TMF1: variants seen among roughly 807,000 people sequenced by gnomAD.
TMF1 encodes the protein TATA element modulatory factor 1.
In TMF1, 71 loss-of-function variants were observed where a neutral mutation model predicts 126.5. The observed-to-expected ratio is 0.56, with a 90% CI of 0.46 to 0.68. The LOEUF is 0.68. TMF1 is among the 30% of genes least tolerant of loss of function. TMF1 has a pLI of 0.00. For missense variants in TMF1, 1,259 were observed against 1,253.2 expected (o/e 1.00, Z -0.07); for synonymous variants, 461 against 430.5 (o/e 1.07, Z -0.88).
Position 69,024,155 on chromosome 3 carries a change from G to GT in TMF1, c.3037dup (p.Thr1013AsnfsTer7). Reference sequence around the variant, plus strand: ...TAGTTCTTCAGCCATTATTGATCGAGTTTTTTCTAGATTGCCAATTTCTAG... The same window carrying GT: ...TAGTTCTTCAGCCATTATTGATCGAGTTTTTTTCTAGATTGCCAATTTCTAG... On this transcript the variant is annotated frameshift_variant, in exon 16 of 17. Coordinates refer to ENST00000398559, the MANE Select transcript of TMF1 (RefSeq NM_007114.3). LOFTEE classifies it high-confidence loss of function. 1 of 1,604,866 alleles carries GT rather than the reference G, an allele frequency of 6.2e-7. No individual in the cohort carries two copies. The highest frequency in any genetic ancestry group is 8.5e-7 in the Non-Finnish European group (1 of 1,176,722).
At chr3:69,030,887 C>T (rs2091797535) in intron 10 of TMF1, among the ~76,000 whole-genome samples, 1 of 152,166 alleles carries the variant, frequency 6.6e-6, no homozygotes, top group South Asian at 2.1e-4. Context: ...CTGGCAATTG[C>T]ACACTTGGGC....
intron 1 of TMF1, among the ~76,000 whole-genome samples, chr3:69,049,963 T>A (rs1176374270): frequency 1.3e-5 from 2 of 152,134 alleles, no homozygotes; most frequent in Non-Finnish European, 2.9e-5. Context: ...GAATCTATCC[T>A]TTAATATGAC....
At chr3:69,034,463 ACT>A (rs1478949028) in intron 9 of TMF1, among the ~76,000 whole-genome samples, 3 of 152,092 alleles carry the variant, frequency 2.0e-5, no homozygotes, top group Non-Finnish European at 2.9e-5. Flanking sequence ...ACAGAGCAAG[ACT>A]CTGTCTCAAA....
intron 8 of TMF1, among the ~76,000 whole-genome samples, chr3:69,038,262 T>C (rs1471702129): frequency 1.3e-5 from 2 of 152,150 alleles, no homozygotes; most frequent in African/African-American, 2.4e-5. Context: ...TTAAATGGAT[T>C]CTCTCAAAAT....
At position 69,038,736 on chromosome 3, in the gene TMF1, T is replaced by C. The variant is rs370563862; in HGVS notation, c.1995-16A>G. 2.5e-6 allele frequency: 4 copies of C among 1,602,782 alleles called. No individual in the cohort carries two copies. The highest frequency in any genetic ancestry group is 3.4e-6 in the Non-Finnish European group (4 of 1,175,124). ...AGTAAGTTCTCTTAAAAAATTAGAT[T>C]GAGTTTATAAATGTTGCCAGTGATC... is the stretch of plus-strand genomic sequence containing the variant. On this transcript the variant is annotated splice_polypyrimidine_tract_variant and intron_variant, in intron 7 of 16. Transcript: ENST00000398559.
At position 69,029,986 on chromosome 3, in the gene TMF1, G is replaced by A; in HGVS notation, c.2423C>T (p.Ala808Val). 3 of 1,613,610 alleles carry A rather than the reference G, an allele frequency of 1.9e-6. No individual in the cohort carries two copies. Among genetic ancestry groups the A allele is most frequent in the Non-Finnish European group, 2.5e-6 (3 of 1,179,760 alleles). The change falls in exon 11 of 17, where the codon GCA becomes GTA. Residue 808 changes from alanine to valine, a missense_variant. Physicochemically the swap from Ala to Val is moderately conservative, Grantham distance 64. Transcript: ENST00000398559. Reference sequence around the variant, plus strand: ...TGCACGTTCTCTCTCAACTGCTGCTGCCAGCAAGGTCTGGGATTCACCTGA... The same window carrying A: ...TGCACGTTCTCTCTCAACTGCTGCTACCAGCAAGGTCTGGGATTCACCTGA... ...DRLGESQTLL[A>V]AAVERERAAT...
rs370861218 is a variant in TMF1 at position 69,029,828 on chromosome 3, C to T, written c.2581G>A (p.Asp861Asn). 38 of 1,610,536 alleles carry T rather than the reference C, an allele frequency of 2.4e-5. No individual in the cohort carries two copies. Among genetic ancestry groups the T allele is most frequent in the Middle Eastern group, 1.7e-4 (1 of 6,058 alleles). ...AACCATGCTCACCTATTGTTCTCATCCTCCAGTTTACACAGCCTATTTTTC... is the reference window on the plus strand; with the variant it reads ...AACCATGCTCACCTATTGTTCTCATTCTCCAGTTTACACAGCCTATTTTTC... ...SEKNRLCKLEDENNRYQVELE... is the reference protein window; with the variant it reads ...SEKNRLCKLENENNRYQVELE... Residue 861 changes from aspartate (D) to asparagine (N), a missense_variant, in exon 11 of 17, where the codon GAT becomes AAT. Coordinates refer to ENST00000398559, the MANE Select transcript of TMF1 (RefSeq NM_007114.3).
chr3:69,023,226 T>A lies in TMF1; in HGVS notation c.3233A>T (p.Asn1078Ile). ...TTCATCTATTTGAGTTTTGTACATA[T>A]TTTTTACATCTTCGAGATCTAATCG... ...ELRLDLEDVK[N>I]MYKTQIDELL... The change falls in exon 17 of 17, where the codon AAT (asparagine) becomes ATT (isoleucine). Residue 1078 changes from asparagine (N) to isoleucine (I), a missense_variant. Transcript: ENST00000398559. 1 of 1,611,176 alleles carries A rather than the reference T, an allele frequency of 6.2e-7. No individual in the cohort carries two copies. The highest frequency in any genetic ancestry group is 8.5e-7 in the Non-Finnish European group (1 of 1,178,138).
intron 5 of TMF1, among the ~76,000 whole-genome samples, chr3:69,041,627 T>C (rs1324420877): frequency 2.6e-5 from 4 of 152,140 alleles, no homozygotes; most frequent in Admixed American, 2.6e-4. Context: ...TAATGGACTT[T>C]AATACAGCCA....
chr3:69,048,052 A>G lies in TMF1; in HGVS notation c.653T>C (p.Leu218Pro). The G allele has an allele frequency of 2.5e-6, 4 of 1,614,102 alleles. No individual in the cohort carries two copies. Among genetic ancestry groups the G allele is most frequent in the Non-Finnish European group, 3.4e-6 (4 of 1,180,042 alleles). The change falls in exon 2 of 17, where the codon CTC (leucine) becomes CCC (proline). Residue 218 changes from leucine to proline, a missense_variant. By Grantham distance (98) the Leu-to-Pro change is moderately conservative. Coordinates refer to ENST00000398559, the MANE Select transcript of TMF1 (RefSeq NM_007114.3). ...AGCTATGTCCTTTGTTTCTGCTGTG[A>G]GAGACTGCGTAGACGTATTAGATAT... The part of the protein sequence containing the change: ...ESISNTSTQS[L>P]TAETKDIALE...
chr3:69,023,853 A>G (rs1291910966), intron 16 of TMF1, among the ~76,000 whole-genome samples: 2 of 152,176 alleles, frequency 1.3e-5, no homozygotes, highest in Non-Finnish European at 1.5e-5. Context: ...CTATACTGGG[A>G]CTAAACATGA....
In TMF1 at chr3:69,038,652, C is replaced by T. The variant is rs2091846070; in HGVS notation, c.2063G>A (p.Arg688His). Residue 688 changes from arginine to histidine, a missense_variant, in exon 8 of 17, where the codon CGT becomes CAT. Arg to His is a conservative substitution (Grantham distance 29). Coordinates refer to ENST00000398559, the MANE Select transcript of TMF1 (RefSeq NM_007114.3). ...DSEAQEAALSREMKAKEELSA... is the reference protein window; with the variant it reads ...DSEAQEAALSHEMKAKEELSA... ...AAGTTCTTCTTTAGCTTTCATTTCA[C>T]GGCTCAGAGCAGCTTCCTGTGCCTC... The T allele has an allele frequency of 6.2e-6, 10 of 1,614,018 alleles. No homozygotes were observed. The highest frequency in any genetic ancestry group is 4.0e-5 in the African/African-American group (3 of 74,918).
rs1471200319 is a variant in TMF1, at chr3:69,042,905, T to C, written c.1586A>G (p.Lys529Arg). Residue 529 changes from lysine to arginine, a missense_variant, in exon 5 of 17, where the codon AAA (lysine) becomes AGA (arginine). By Grantham distance (26) the Lys-to-Arg change is conservative (BLOSUM62 2). Coordinates refer to ENST00000398559, the MANE Select transcript of TMF1 (RefSeq NM_007114.3). ...AGTGGCAAGTTCTTCTTTTATGTTTTTGATTTCCTAATAAAAAAGAAATCT... is the reference window on the plus strand; with the variant it reads ...AGTGGCAAGTTCTTCTTTTATGTTTCTGATTTCCTAATAAAAAAGAAATCT... ...KERDAAKKEI[K>R]NIKEELATRL... 1.2e-6 allele frequency: 2 copies of C among 1,608,270 alleles called. No homozygotes were observed. The highest frequency in any genetic ancestry group is 1.3e-5 in the African/African-American group (1 of 74,834).
Position 69,050,158 on chromosome 3 carries a change from G to T in TMF1, c.143-1596C>A, listed in dbSNP as rs1047339446. The stretch of plus-strand genomic sequence containing the variant: ...ACCTGCAATCCCAGCTACTCGGGAG[G>T]TTGAGGCACGAGAATCACTTGAGCT... On this transcript the variant is annotated intron_variant, in intron 1 of 16. Transcript: ENST00000398559. 9.9e-5 allele frequency among the ~76,000 whole-genome samples: 15 copies of T among 151,790 alleles called. No individual in the cohort carries two copies. The East Asian group carries it at 2.1e-3, about 22-fold the overall frequency.
chr3:69,048,717 T>A, intron 1 of TMF1, 155 bp from the exon 2 acceptor site: 1 of 670,394 alleles, frequency 1.5e-6, no homozygotes, highest in Non-Finnish European at 2.3e-6. Flanking sequence ...ACTACATCAT[T>A]AAGTAGTTTC....
rs1470952615 is a variant in TMF1, at chr3:69,052,287, T to A, written c.-201A>T. On this transcript the variant is annotated 5_prime_UTR_variant, in exon 1 of 17. It removes an upstream start codon present in the reference 5' UTR. Coordinates refer to ENST00000398559, the MANE Select transcript of TMF1 (RefSeq NM_007114.3). ...GCACAGCTGAGACGAAGGGGGCCCATGTGCGCATGCGCTTGCTTCTTCCAC... is the reference window on the plus strand; with the variant it reads ...GCACAGCTGAGACGAAGGGGGCCCAAGTGCGCATGCGCTTGCTTCTTCCAC... 2.1e-6 allele frequency: 1 copy of A among 480,362 alleles called. No individual in the cohort carries two copies. Among genetic ancestry groups the A allele is most frequent in the South Asian group, 3.1e-5 (1 of 32,430 alleles). 29.8% of individuals were successfully genotyped at this position (480,362 alleles called of 1,614,324 possible). A position where few individuals can be genotyped will look rare whatever the true frequency, so the allele number is the denominator to read the frequency against.
intron 9 of TMF1, among the ~76,000 whole-genome samples, chr3:69,034,161 G>A (rs1329451140): frequency 6.6e-6 from 1 of 152,114 alleles, no homozygotes; most frequent in Non-Finnish European, 1.5e-5. Context: ...GTTAGATTGT[G>A]TAATACAGTA....
intron 5 of TMF1, among the ~76,000 whole-genome samples, chr3:69,041,812 T>TA (rs1423102773): frequency 1.3e-5 from 2 of 152,100 alleles, no homozygotes; most frequent in Non-Finnish European, 2.9e-5. Context: ...TCTTTATTCA[T>TA]ATACTTTCCT....
Position 69,021,947 on chromosome 3 carries a change from G to C in TMF1, c.*1230C>G, listed in dbSNP as rs2091740690. 6.6e-6 allele frequency: 1 copy of C among 152,388 alleles called. No homozygotes were observed. Among genetic ancestry groups the C allele is most frequent in the Non-Finnish European group, 1.5e-5 (1 of 68,062 alleles). 9.4% of individuals were successfully genotyped at this position (152,388 alleles called of 1,614,324 possible). A position where few individuals can be genotyped will look rare whatever the true frequency, so the allele number is the denominator to read the frequency against. On this transcript the variant is annotated 3_prime_UTR_variant, in exon 17 of 17. Coordinates refer to ENST00000398559, the MANE Select transcript of TMF1 (RefSeq NM_007114.3). ...GATATGCCCGCCTTGGCCTCCCAAA[G>C]TGCTGGGATTACAGGCATGAGCCAC...
Sources: allele counts gnomAD v4.1 joint callset (sites outside exome capture counted in the v4.1 genomes callset), GRCh38; gene constraint gnomAD v4.1.1; transcripts MANE v1.5; gene names NCBI Gene and HGNC (gene_info 2026-07-23, HGNC 2026-07-21).